NOTCH4: variants seen among roughly 807,000 people sequenced by gnomAD.
NOTCH4 encodes the protein neurogenic locus notch homolog protein 4.
A neutral mutation model predicts 189.0 loss-of-function variants in NOTCH4; 138 were observed. That is an observed-to-expected ratio of 0.73 (90% CI 0.64 to 0.84). The LOEUF (loss-of-function observed/expected upper bound fraction) is 0.84, where lower values mean the gene tolerates loss of function less well. Among genes scored for constraint, NOTCH4 ranks in the 40% least tolerant of loss-of-function variants. The pLI, the probability that NOTCH4 is intolerant of heterozygous loss-of-function variation, is 0.00. For synonymous variants in NOTCH4, 942 were observed against 1,032.8 expected, an observed-to-expected ratio of 0.91 and a Z score of 1.69; for missense variants, 2,286 against 2,605.4, an observed-to-expected ratio of 0.88 and a Z score of 2.67.
chr6:32,198,416 C>T lies in NOTCH4; in HGVS notation c.4756+5G>A, dbSNP rs1258388254. 6.2e-7 allele frequency: 1 copy of T among 1,609,280 alleles called. No individual in the cohort carries two copies. ...TTTTTTCTTGGTCTGGGTTGACTCACATACCAGGTCCACGGGTGTCCAGGT... is the reference window on the plus strand; with the variant it reads ...TTTTTTCTTGGTCTGGGTTGACTCATATACCAGGTCCACGGGTGTCCAGGT... On this transcript the variant is annotated splice_donor_5th_base_variant and intron_variant, in intron 26 of 29. Coordinates refer to ENST00000375023, the MANE Select transcript of NOTCH4 (RefSeq NM_004557.4). The surrounding 1 kb of genome is among the most constrained non-coding windows in gnomAD (Gnocchi z 5.5).
At chr6:32,207,880 G>A (rs911846895) in intron 18 of NOTCH4, among the ~76,000 whole-genome samples, 2 of 151,256 alleles carry the variant, frequency 1.3e-5, no homozygotes, top group Non-Finnish European at 2.9e-5. Context: ...GTGGGCACCT[G>A]TAAATTCCAG....
intron 8 of NOTCH4, among the ~76,000 whole-genome samples, chr6:32,219,261 G>A (rs183175905): frequency 7.9e-5 from 12 of 152,308 alleles, no homozygotes; most frequent in Admixed American, 7.8e-4. Flanking sequence ...AGCAAAGGCT[G>A]CAGCACAGAA....
Position 32,203,831 on chromosome 6 carries a change from T to C in NOTCH4, c.3170A>G (p.His1057Arg). Residue 1057 changes from histidine (H) to arginine (R), a missense_variant, in exon 20 of 30, where the codon CAT becomes CGT. Transcript: ENST00000375023. ...TGCTGTGGCCTCACAGGTCCCTCCATGAAAGCAGGGTTGGCTGTGGCAGGG... is the reference window on the plus strand; with the variant it reads ...TGCTGTGGCCTCACAGGTCCCTCCACGAAAGCAGGGTTGGCTGTGGCAGGG... Reference protein sequence around the residue: ...IDPCHSQPCFHGGTCEATAGS... With the variant: ...IDPCHSQPCFRGGTCEATAGS... The C allele has an allele frequency of 6.4e-7, 1 of 1,563,128 alleles. No homozygotes were observed. The highest frequency in any genetic ancestry group is 8.7e-7 in the Non-Finnish European group (1 of 1,153,116).
At chr6:32,197,160 A>G in intron 27 of NOTCH4, 88 bp from the exon 28 acceptor site, 1 of 1,542,128 alleles carries the variant, frequency 6.5e-7, no homozygotes, top group Non-Finnish European at 8.8e-7. Context: ...CGCAATCCAT[A>G]TTCAGCCATC....
chr6:32,205,547 C>CAAAAAAAAAAAA (rs9281672), intron 18 of NOTCH4, among the ~76,000 whole-genome samples: 5 of 52,162 alleles, frequency 9.6e-5, no homozygotes, highest in Admixed American at 3.3e-4. Flanking sequence ...GATGCTGTCT[C>CAAAAAAAAAAAA]AAAAAAAAAA....
Position 32,210,607 on chromosome 6 carries a change from T to C in NOTCH4, c.2865+145A>G. The C allele has an allele frequency of 1.3e-6, 1 of 743,964 alleles. No homozygotes were observed. The highest frequency in any genetic ancestry group is 1.8e-5 in the South Asian group (1 of 56,288). The allele number at this position is 743,964 out of a possible 1,614,324, so 46.1% of individuals were successfully genotyped here. ...GAAAACTTCAGGAGATAAAGTGGCA[T>C]GACTTTGTGGTTAGTTGGGTGTGTG... On this transcript the variant is annotated intron_variant, in intron 18 of 29. Coordinates refer to ENST00000375023, the MANE Select transcript of NOTCH4 (RefSeq NM_004557.4). The surrounding 1 kb of genome is among the most constrained non-coding windows in gnomAD (Gnocchi z 4.8).
intron 15 of NOTCH4, 91 bp from the exon 16 acceptor site, chr6:32,213,002 A>AGGT: frequency 7.5e-7 from 1 of 1,334,724 alleles, no homozygotes; most frequent in Non-Finnish European, 1.1e-6. Context: ...AACCACAGGG[A>AGGT]GGTGGCAAGC....
rs1238680640 is a variant in NOTCH4, at chr6:32,210,106, G to A, written c.2865+646C>T. 6.6e-6 allele frequency among the ~76,000 whole-genome samples: 1 copy of A among 152,140 alleles called. No individual in the cohort carries two copies. The highest frequency in any genetic ancestry group is 1.5e-5 in the Non-Finnish European group (1 of 68,026). On this transcript the variant is annotated intron_variant, in intron 18 of 29. Transcript: ENST00000375023. This position sits in a 1 kb window ranked among gnomAD's most constrained non-coding sequence, Gnocchi z 4.8. ...AAAGAAGAGGCCCTAATCCAGCCTGGGGAGAAGTTAGGGACATCTTCCTGA... is the reference window on the plus strand; with the variant it reads ...AAAGAAGAGGCCCTAATCCAGCCTGAGGAGAAGTTAGGGACATCTTCCTGA...
At chr6:32,214,466 G>GCT (rs1203499563) in intron 12 of NOTCH4, among the ~76,000 whole-genome samples, 4 of 116,684 alleles carry the variant, frequency 3.4e-5, no homozygotes, top group Non-Finnish European at 7.4e-5. Context: ...TCTAGTTGGA[G>GCT]ATATATATAT....
At position 32,200,833 on chromosome 6, in the gene NOTCH4, G is replaced by A; in HGVS notation, c.4313C>T (p.Thr1438Ile). Residue 1438 changes from threonine (T) to isoleucine (I), a missense_variant and splice_region_variant, in exon 23 of 30, where the codon ACC becomes ATC. Physicochemically the swap from Thr to Ile is moderately conservative, Grantham distance 89. Coordinates refer to ENST00000375023, the MANE Select transcript of NOTCH4 (RefSeq NM_004557.4). This position sits in a 1 kb window ranked among gnomAD's most constrained non-coding sequence, Gnocchi z 5.0. ...GAAAGTGGCAAGGGGTCACCTACCG[G>A]TCCCTGCATGAGGGTGGACAGCCAG... ...PLLAVHPHAGTAPPANQLPWP... is the reference protein window; with the variant it reads ...PLLAVHPHAGIAPPANQLPWP... The A allele has an allele frequency of 6.2e-7, 1 of 1,600,462 alleles. No homozygotes were observed. The highest frequency in any genetic ancestry group is 1.1e-5 in the South Asian group (1 of 89,412).
chr6:32,207,223 C>T (rs1050060947), intron 18 of NOTCH4, among the ~76,000 whole-genome samples: 6 of 151,208 alleles, frequency 4.0e-5, no homozygotes, highest in Non-Finnish European at 7.4e-5. Context: ...GCCACCACTC[C>T]CGGCCAGCCA....
chr6:32,213,504 C>T (rs1036863552), intron 14 of NOTCH4, among the ~76,000 whole-genome samples, 184 bp downstream of exon 14: 2 of 152,204 alleles, frequency 1.3e-5, no homozygotes, highest in African/African-American at 4.8e-5. Context: ...CCACCTTAGC[C>T]TCCCAAGTAT....
chr6:32,214,830 TG>T (rs1161757069), intron 12 of NOTCH4, among the ~76,000 whole-genome samples: 1 of 152,156 alleles, frequency 6.6e-6, no homozygotes, highest in Non-Finnish European at 1.5e-5. Context: ...TTCACCATGT[TG>T]GCCAGGCTGA....
At chr6:32,219,505 A>G in intron 8 of NOTCH4, 87 bp downstream of exon 8, 1 of 1,245,808 alleles carries the variant, frequency 8.0e-7, no homozygotes, top group Non-Finnish European at 1.1e-6. Context: ...ATTGGCCTGA[A>G]GCTGTCCTTA....
chr6:32,195,808 T>G lies in NOTCH4; in HGVS notation c.5641A>C (p.Thr1881Pro), dbSNP rs368751432. 3 of 1,602,094 alleles carry G rather than the reference T, an allele frequency of 1.9e-6. No homozygotes were observed. In the South Asian group the frequency reaches 3.3e-5, roughly 18 times the overall value. ...CGCGCAGCCAAGTCTACGGACCAAG[T>G]CCGAGCCTGCAGACAAGCTCCGCCC... The part of the protein sequence containing the change: ...RGGGACLQAR[T>P]WSVDLAARGG... Residue 1881 changes from threonine to proline, a missense_variant, in exon 30 of 30, where the codon ACT becomes CCT. Physicochemically the swap from Thr to Pro is conservative, Grantham distance 38 (BLOSUM62 -1). Coordinates refer to ENST00000375023, the MANE Select transcript of NOTCH4 (RefSeq NM_004557.4). This position sits in a 1 kb window ranked among gnomAD's most constrained non-coding sequence, Gnocchi z 5.4.
At chr6:32,206,437 C>A (rs1242086567) in intron 18 of NOTCH4, among the ~76,000 whole-genome samples, 1 of 151,954 alleles carries the variant, frequency 6.6e-6, no homozygotes, top group Non-Finnish European at 1.5e-5. Flanking sequence ...ATCAAGAAAG[C>A]AATCCCATTT....
Position 32,221,035 on chromosome 6 carries a change from T to G in NOTCH4, c.742A>C (p.Thr248Pro), listed in dbSNP as rs754400614. The G allele has an allele frequency of 6.2e-7, 1 of 1,610,148 alleles. No individual in the cohort carries two copies. The highest frequency in any genetic ancestry group is 8.5e-7 in the Non-Finnish European group (1 of 1,177,468). The change falls in exon 4 of 30, where the codon ACC becomes CCC. Residue 248 changes from threonine (T) to proline (P), a missense_variant. Thr to Pro is a conservative substitution (Grantham distance 38). This residue lies in a region of NOTCH4 where 1,903 missense variants were observed against 2,261.9 expected (regional missense o/e 0.84). Transcript: ENST00000375023. The surrounding 1 kb of genome is among the most constrained non-coding windows in gnomAD (Gnocchi z 4.3). ...CPPRGCSNGG[T>P]CQLMPEKDST... ...TCTTTCTCTGGCATCAGCTGGCAGG[T>G]GCCCCCATTCGAACAGCCCCTAGGA...
Position 32,217,999 on chromosome 6 carries a change from C to T in NOTCH4, c.1620G>A (p.Leu540=). 1.9e-6 allele frequency: 3 copies of T among 1,606,522 alleles called. No homozygotes were observed. The African/African-American group carries it at 4.0e-5, about 21-fold the overall frequency. The part of the protein sequence containing the change: ...DLLNGFQCIC[L]PGFSGTRCEE... ...CAGAGAGGCATCTGTACTCACCAGG[C>T]AGGCAGATGCACTGGAAGCCGTTGA... is the stretch of plus-strand genomic sequence containing the variant. The change falls in exon 9 of 30, where the codon CTG becomes CTA. Residue 540 remains leucine (L), a synonymous_variant. Transcript: ENST00000375023. This position sits in a 1 kb window ranked among gnomAD's most constrained non-coding sequence, Gnocchi z 4.2.
rs768043433 is a variant in NOTCH4, at chr6:32,197,583, G to T, written c.4768C>A (p.Pro1590Thr). ...LDTRGPDGVT[P>T]LMSAVCCGEV... The stretch of plus-strand genomic sequence containing the variant: ...CCACAGCAAACTGCTGACATCAGGG[G>T]TGTCACCCCATCTGTTGGTAAGACA... The change falls in exon 27 of 30, where the codon CCC (proline) becomes ACC (threonine). Residue 1590 changes from proline to threonine, a missense_variant. Around this residue, in one of 2 missense-constraint regions of NOTCH4, gnomAD observed 1,903 missense variants for 2,261.9 expected, o/e 0.84. Coordinates refer to ENST00000375023, the MANE Select transcript of NOTCH4 (RefSeq NM_004557.4). 2.7e-5 allele frequency: 43 copies of T among 1,610,270 alleles called. No homozygotes were observed. Among genetic ancestry groups the T allele is most frequent in the Non-Finnish European group, 3.6e-5 (42 of 1,178,358 alleles).
Sources: allele counts gnomAD v4.1 joint callset (sites outside exome capture counted in the v4.1 genomes callset), GRCh38; gene constraint gnomAD v4.1.1; regional missense constraint gnomAD v4.1.1; non-coding constraint Gnocchi (gnomAD v3.1); transcripts MANE v1.5; gene names NCBI Gene and HGNC (gene_info 2026-07-23, HGNC 2026-07-21).